The following FGD5 variants were observed in gnomAD, a reference collection of about 807,000 sequenced individuals.
FGD5 encodes FYVE, RhoGEF and PH domain-containing protein 5.
A neutral mutation model predicts 133.4 loss-of-function variants in FGD5; 28 were observed. The ratio of observed to expected loss-of-function variants is 0.21; its 90% confidence interval spans 0.16 to 0.29. The LOEUF (loss-of-function observed/expected upper bound fraction) is 0.29. Ranked by LOEUF, FGD5 falls within the 10% of genes least tolerant of loss-of-function variation. The pLI, the probability that FGD5 is intolerant of heterozygous loss-of-function variation, is 1.00. For synonymous variants in FGD5, 810 were observed against 776.5 expected (o/e 1.04, Z -0.72); for missense variants, 1,858 against 1,895.2 (o/e 0.98, Z 0.36).
rs138539699 is a variant in FGD5, at chr3:14,851,133, G to A, written c.2526-12995G>A. Among the ~76,000 whole-genome samples, 753 of 144,868 alleles carry A rather than the reference G, an allele frequency of 5.2e-3. 7 individuals are homozygous for A. Among genetic ancestry groups the A allele is most frequent in the African/African-American group, 0.018 (711 of 38,790 alleles). On this transcript the variant is annotated intron_variant, in intron 1 of 19. Coordinates refer to ENST00000285046, the MANE Select transcript of FGD5 (RefSeq NM_152536.4). Reference sequence around the variant, plus strand: ...GGGACCAGAACCCAGGTCTGTAAGCGTTGAGGAGCTCTGCCTGTTGAATTC... The same window carrying A: ...GGGACCAGAACCCAGGTCTGTAAGCATTGAGGAGCTCTGCCTGTTGAATTC...
chr3:14,861,910 A>G (rs1363039455), intron 1 of FGD5, among the ~76,000 whole-genome samples: 2 of 152,188 alleles, frequency 1.3e-5, no homozygotes, highest in Non-Finnish European at 2.9e-5. Context: ...TGAGATGGTC[A>G]TTATGGCCAC....
chr3:14,814,855 G>A (rs1053625284), upstream of FGD5, among the ~76,000 whole-genome samples: 1 of 152,150 alleles, frequency 6.6e-6, no homozygotes, highest in East Asian at 1.9e-4. Flanking sequence ...CAGCTTTCTA[G>A]TTGCGCAGAC....
chr3:14,893,135 T>G (rs1450375189), intron 4 of FGD5, among the ~76,000 whole-genome samples: 1 of 152,190 alleles, frequency 6.6e-6, no homozygotes, highest in African/African-American at 2.4e-5. Flanking sequence ...AAAATATTTT[T>G]CTTGTGAGAA....
chr3:14,892,788 C>T (rs571438627), intron 4 of FGD5, among the ~76,000 whole-genome samples: 177 of 151,084 alleles, frequency 1.2e-3, no homozygotes, highest in African/African-American at 4.2e-3. Flanking sequence ...CATTGCACTC[C>T]AGACTGGGCA....
chr3:14,874,388 G>A (rs115923510), intron 2 of FGD5, among the ~76,000 whole-genome samples: 2,584 of 152,214 alleles, frequency 0.017, 32 homozygotes, highest in Middle Eastern at 0.071. Flanking sequence ...GTGTGATGGC[G>A]TGCATGCCTG....
At position 14,900,383 on chromosome 3, in the gene FGD5, G is replaced by C. The variant is rs200230084; in HGVS notation, c.3155-20G>C. The C allele has an allele frequency of 5.5e-5, 89 of 1,612,216 alleles. No individual in the cohort carries two copies. The African/African-American group carries it at 1.1e-3, about 20-fold the overall frequency. The stretch of plus-strand genomic sequence containing the variant: ...CTGACCTCACCAGTAGCTGACTCCT[G>C]GTTCTTATCCTGCCAACAGACTATT... On this transcript the variant is annotated intron_variant, in intron 7 of 19. Transcript: ENST00000285046.
At position 14,924,144 on chromosome 3, in the gene FGD5, G is replaced by A. The variant is rs1162937482; in HGVS notation, c.4068+6G>A. 6.2e-7 allele frequency: 1 copy of A among 1,613,962 alleles called. No homozygotes were observed. The highest frequency in any genetic ancestry group is 8.5e-7 in the Non-Finnish European group (1 of 1,179,888). On this transcript the variant is annotated splice_donor_region_variant and intron_variant, in intron 17 of 19. Coordinates refer to ENST00000285046, the MANE Select transcript of FGD5 (RefSeq NM_152536.4). ...TCCCTTCAGCCCTGACAGAGGTAAA[G>A]CAGGCAGGGCTACCCAAGTGGGAAG...
chr3:14,864,314 T>C (rs1468899807), intron 2 of FGD5, 54 bp downstream of exon 2: 12 of 1,611,364 alleles, frequency 7.4e-6, no homozygotes, highest in Non-Finnish European at 1.0e-5. Context: ...GGTGGAGAGA[T>C]GGCTGTAACA....
At position 14,853,636 on chromosome 3, in the gene FGD5, C is replaced by CTTTTTTT. The variant is rs34008934; in HGVS notation, c.2526-10467_2526-10461dup. Among the ~76,000 whole-genome samples the CTTTTTTT allele has an allele frequency of 7.5e-4, 28 of 37,124 alleles. 1 individual carries two copies. Among genetic ancestry groups the CTTTTTTT allele is most frequent in the African/African-American group, 2.1e-3 (18 of 8,396 alleles). The allele number at this position is 37,124 out of a possible 152,430, so 24.4% of individuals were successfully genotyped here. A position where few individuals can be genotyped will look rare whatever the true frequency, so the allele number is the denominator to read the frequency against. ...GAGATTCCCAGGGGGAAAAGCGTTC[C>CTTTTTTT]TTTTTTTTTTTTTTTTTTTTTTTTT... On this transcript the variant is annotated intron_variant, in intron 1 of 19. Coordinates refer to ENST00000285046, the MANE Select transcript of FGD5 (RefSeq NM_152536.4).
At chr3:14,855,780 CCT>C (rs1284259489) in intron 1 of FGD5, among the ~76,000 whole-genome samples, 1 of 151,936 alleles carries the variant, frequency 6.6e-6, no homozygotes, top group Non-Finnish European at 1.5e-5. Flanking sequence ...ATATTAATCC[CCT>C]GTCGGATGAG....
chr3:14,823,382 T>C (rs986390863), intron 1 of FGD5, among the ~76,000 whole-genome samples: 1 of 152,182 alleles, frequency 6.6e-6, no homozygotes, highest in African/African-American at 2.4e-5. Flanking sequence ...AGGAAGAGTT[T>C]CTCTGTGACT....
chr3:14,860,147 G>A (rs942313233), intron 1 of FGD5, among the ~76,000 whole-genome samples: 1 of 152,174 alleles, frequency 6.6e-6, no homozygotes, highest in Non-Finnish European at 1.5e-5. Context: ...GACTGGCTTG[G>A]CTTTTGGCAG....
At chr3:14,907,938 C>G (rs1196770720) in intron 10 of FGD5, among the ~76,000 whole-genome samples, 2 of 152,214 alleles carry the variant, frequency 1.3e-5, no homozygotes, top group East Asian at 3.9e-4. Flanking sequence ...CAGTTAAAGA[C>G]TCAGCGCCAG....
intron 2 of FGD5, among the ~76,000 whole-genome samples, chr3:14,867,113 A>G (rs1468857379): frequency 6.6e-6 from 1 of 152,240 alleles, no homozygotes; most frequent in Non-Finnish European, 1.5e-5. Context: ...GGCATGCTCT[A>G]CCACGGAATA....
In FGD5 at chr3:14,820,296, G is replaced by A. The variant is rs568677261; in HGVS notation, c.1225G>A (p.Ala409Thr). The A allele has an allele frequency of 1.1e-5, 18 of 1,605,114 alleles. No individual in the cohort carries two copies. Among genetic ancestry groups the A allele is most frequent in the Middle Eastern group, 1.7e-4 (1 of 6,022 alleles). The change falls in exon 1 of 20, where the codon GCA (alanine) becomes ACA (threonine). Residue 409 changes from alanine (A) to threonine (T), a missense_variant. Coordinates refer to ENST00000285046, the MANE Select transcript of FGD5 (RefSeq NM_152536.4). ...SLQGGAAEGPAAPDVVVVLEE... is the reference protein window; with the variant it reads ...SLQGGAAEGPTAPDVVVVLEE... ...ACAGGGTGGAGCGGCCGAGGGTCCC[G>A]CAGCCCCTGATGTGGTGGTCGTGCT...
intron 7 of FGD5, 80 bp downstream of exon 7, chr3:14,898,906 T>C: frequency 7.8e-7 from 1 of 1,280,814 alleles, no homozygotes; most frequent in Admixed American, 2.0e-5. Flanking sequence ...GGGACTGTGG[T>C]GACCTTGCCT....
At chr3:14,879,520 A>C (rs2037785315) in intron 2 of FGD5, among the ~76,000 whole-genome samples, 3 of 152,182 alleles carry the variant, frequency 2.0e-5, no homozygotes, top group African/African-American at 7.2e-5. Context: ...TCACCATCTG[A>C]GGTCAGCCTG....
At chr3:14,918,909 A>G in intron 13 of FGD5, 76 bp downstream of exon 13, 1 of 1,491,854 alleles carries the variant, frequency 6.7e-7, no homozygotes, top group East Asian at 2.3e-5. Flanking sequence ...ACAGATAAGG[A>G]TGTGCTGTTT....
intron 13 of FGD5, chr3:14,921,440 T>G: frequency 5.8e-6 from 1 of 171,012 alleles, no homozygotes; most frequent in Admixed American, 5.6e-5. Context: ...AAAGTGCCTG[T>G]TGGATGACTG....
Sources: allele counts gnomAD v4.1 joint callset (sites outside exome capture counted in the v4.1 genomes callset), GRCh38; gene constraint gnomAD v4.1.1; transcripts MANE v1.5; gene names NCBI Gene and HGNC (gene_info 2026-07-23, HGNC 2026-07-21).